CFAP47: variants seen among roughly 807,000 people sequenced by gnomAD.
CFAP47 encodes the protein cilia and flagella associated protein 47.
A neutral mutation model predicts 148.1 loss-of-function variants in CFAP47; 29 were observed. The observed-to-expected ratio is 0.20, with a 90% CI of 0.15 to 0.27. The LOEUF (loss-of-function observed/expected upper bound fraction) is 0.27, where lower values mean the gene tolerates loss of function less well. Among genes scored for constraint, CFAP47 ranks in the 10% least tolerant of loss-of-function variants. CFAP47 has a pLI of 1.00. For synonymous variants in CFAP47, 664 were observed against 577.3 expected (o/e 1.15, Z -2.15); for missense variants, 1,872 against 1,697.5 (o/e 1.10, Z -1.81).
chrX:36,239,277 A>T (rs1368725713), intron 48 of CFAP47, among the ~76,000 whole-genome samples: 1 of 112,731 alleles, frequency 8.9e-6, no homozygotes, highest in Non-Finnish European at 1.9e-5. Flanking sequence ...AAAATTGTCA[A>T]AATCGAATTT....
intron 35 of CFAP47, among the ~76,000 whole-genome samples, chrX:36,143,985 A>G (rs1939187686): frequency 1.8e-5 from 2 of 111,181 alleles, no homozygotes; most frequent in African/African-American, 6.6e-5. Context: ...TTTTCTCACT[A>G]ATTGTCCCAT....
chrX:36,044,628 C>T lies in CFAP47; in HGVS notation c.4008-2226C>T, dbSNP rs184527305. Among the ~76,000 whole-genome samples the T allele has an allele frequency of 8.7e-4, 98 of 112,119 alleles. 1 individual carries two copies. Among genetic ancestry groups the T allele is most frequent in the African/African-American group, 3.2e-3 (98 of 30,869 alleles). ...TTACTCCAGCTCCCAATAAGTTCCT[C>T]ATCTCTATCTGAGACCACTTCAGCC... On this transcript the variant is annotated intron_variant, in intron 25 of 63. Coordinates refer to ENST00000378653, the MANE Select transcript of CFAP47 (RefSeq NM_001304548.2).
intron 48 of CFAP47, among the ~76,000 whole-genome samples, chrX:36,248,825 G>A (rs1194460469): frequency 1.8e-5 from 2 of 110,868 alleles, no homozygotes; most frequent in African/African-American, 6.5e-5. Flanking sequence ...AGGTAATCAT[G>A]TACAGTATGA....
At chrX:36,338,925 A>C (rs975988805) in intron 57 of CFAP47, among the ~76,000 whole-genome samples, 20 of 111,643 alleles carry the variant, frequency 1.8e-4, no homozygotes, top group Non-Finnish European at 7.5e-5. Context: ...TCTAACCTTT[A>C]ACTGTTTTAC....
intron 3 of CFAP47, among the ~76,000 whole-genome samples, chrX:35,944,575 G>C (rs921005051): frequency 9.0e-6 from 1 of 111,278 alleles, no homozygotes; most frequent in African/African-American, 3.3e-5. Context: ...AAAATCATAA[G>C]AAATAGCAAT....
At chrX:35,959,228 T>C (rs1450972194) in intron 8 of CFAP47, among the ~76,000 whole-genome samples, 1 of 112,129 alleles carries the variant, frequency 8.9e-6, no homozygotes, top group African/African-American at 3.2e-5. Context: ...TTAATTGGGC[T>C]GTCTTTTTTT....
chrX:36,111,355 A>G (rs1275094366), intron 33 of CFAP47, among the ~76,000 whole-genome samples: 1 of 112,226 alleles, frequency 8.9e-6, no homozygotes, highest in Non-Finnish European at 1.9e-5. Context: ...ATCTATTAAG[A>G]TAATCATGCA....
At chrX:36,290,499 G>C (rs782536706) in intron 51 of CFAP47, among the ~76,000 whole-genome samples, 1 of 112,166 alleles carries the variant, frequency 8.9e-6, no homozygotes, top group African/African-American at 3.2e-5. Context: ...AACTCAGTCA[G>C]CTTCAGTTTC....
chrX:36,071,274 C>T (rs938385216), intron 27 of CFAP47, among the ~76,000 whole-genome samples: 9 of 112,155 alleles, frequency 8.0e-5, no homozygotes, highest in Non-Finnish European at 1.1e-4. Context: ...GCCAGCACTG[C>T]CTTTGGTTGG....
At position 35,923,845 on chromosome X, in the gene CFAP47, ATG is replaced by A. The variant is rs201361059; in HGVS notation, c.250-2166_250-2165del. ...AAAAAAAAAGTGTATATATATATAT[ATG>A]TGTGTATATATATATGTACATATAT... On this transcript the variant is annotated intron_variant, in intron 1 of 63. Transcript: ENST00000378653. Among the ~76,000 whole-genome samples the A allele has an allele frequency of 6.8e-3, 638 of 94,333 alleles. 23 individuals are homozygous for A. Among genetic ancestry groups the A allele is most frequent in the Middle Eastern group, 0.022 (4 of 180 alleles). The allele number at this position is 94,333 out of a possible 115,157, so 81.9% of individuals were successfully genotyped here. A position where few individuals can be genotyped will look rare whatever the true frequency, so the allele number is the denominator to read the frequency against.
intron 52 of CFAP47, among the ~76,000 whole-genome samples, chrX:36,299,365 A>G (rs1941275985): frequency 9.0e-6 from 1 of 111,646 alleles, no homozygotes; most frequent in Non-Finnish European, 1.9e-5. Flanking sequence ...AAATTAAATA[A>G]TTTCTACATT....
At position 36,138,384 on chromosome X, in the gene CFAP47, A is replaced by G. The variant is rs1416999921; in HGVS notation, c.5455A>G (p.Lys1819Glu). ...TTTTATAAATATGTACACACGACCA[A>G]AAAGTCCTGAAGAGTATCTGCACAA... The part of the protein sequence containing the change: ...SHFINMYTRP[K>E]SPEEYLHNCL... The change falls in exon 35 of 64, where the codon AAA becomes GAA. Residue 1819 changes from lysine to glutamate, a missense_variant. Coordinates refer to ENST00000378653, the MANE Select transcript of CFAP47 (RefSeq NM_001304548.2). 14 of 1,157,034 alleles carry G rather than the reference A, an allele frequency of 1.2e-5. No homozygotes were observed. Among genetic ancestry groups the G allele is most frequent in the African/African-American group, 9.3e-5 (5 of 53,786 alleles).
At chrX:36,061,991 C>A (rs1354761471) in intron 26 of CFAP47, among the ~76,000 whole-genome samples, 1 of 111,787 alleles carries the variant, frequency 8.9e-6, no homozygotes, top group East Asian at 2.8e-4. Flanking sequence ...CCCTTCGTAG[C>A]CACTGCCAGT....
intron 29 of CFAP47, among the ~76,000 whole-genome samples, chrX:36,083,673 T>G (rs1258425679): frequency 8.9e-6 from 1 of 111,786 alleles, no homozygotes; most frequent in Non-Finnish European, 1.9e-5. Context: ...ATCATTTTAC[T>G]GCATGTTTGC....
intron 15 of CFAP47, among the ~76,000 whole-genome samples, chrX:35,978,308 T>A (rs1024089327): frequency 4.5e-5 from 5 of 111,790 alleles, no homozygotes; most frequent in Non-Finnish European, 9.4e-5. Flanking sequence ...AGGAATGGGC[T>A]GGGCTTGCCT....
rs782088800 is a variant in CFAP47, at chrX:36,384,789, C to G, written c.9355-8C>G. On this transcript the variant is annotated splice_polypyrimidine_tract_variant and splice_region_variant and intron_variant, in intron 63 of 63. Coordinates refer to ENST00000378653, the MANE Select transcript of CFAP47 (RefSeq NM_001304548.2). Reference sequence around the variant, plus strand: ...TTCAAATGAAAATTTCTCCCTCTTTCTATCCAGACAGAAGAAATGTACTGG... The same window carrying G: ...TTCAAATGAAAATTTCTCCCTCTTTGTATCCAGACAGAAGAAATGTACTGG... 8.7e-7 allele frequency: 1 copy of G among 1,149,421 alleles called. No individual in the cohort carries two copies. Among genetic ancestry groups the G allele is most frequent in the South Asian group, 1.9e-5 (1 of 52,099 alleles). 94.7% of individuals were successfully genotyped at this position (1,149,421 alleles called of 1,213,427 possible).
At chrX:36,212,706 A>G (rs914290307) in intron 45 of CFAP47, among the ~76,000 whole-genome samples, 2 of 111,695 alleles carry the variant, frequency 1.8e-5, no homozygotes, top group African/African-American at 6.5e-5. Context: ...CATTACAAAT[A>G]TATAGAAACA....
intron 33 of CFAP47, among the ~76,000 whole-genome samples, chrX:36,125,795 T>C (rs764188646): frequency 9.0e-6 from 1 of 111,615 alleles, no homozygotes; most frequent in African/African-American, 3.2e-5. Flanking sequence ...TTCAGAGTTA[T>C]TGTGTAGATA....
chrX:35,935,137 C>G (rs1935891075), intron 2 of CFAP47, among the ~76,000 whole-genome samples: 1 of 111,589 alleles, frequency 9.0e-6, no homozygotes, highest in African/African-American at 3.3e-5. Context: ...CACTAGAACT[C>G]ATCTAGAAGT....
Sources: allele counts gnomAD v4.1 joint callset (sites outside exome capture counted in the v4.1 genomes callset), GRCh38; gene constraint gnomAD v4.1.1; transcripts MANE v1.5; gene names NCBI Gene and HGNC (gene_info 2026-07-23, HGNC 2026-07-21).